Variants in CADM2 observed in about 807,000 individuals in gnomAD.
CADM2 encodes immunoglobulin superfamily member 4D.
In CADM2, 12 loss-of-function variants were observed where a neutral mutation model predicts 49.8. That is an observed-to-expected ratio of 0.24 (90% CI 0.15 to 0.39). CADM2 has a LOEUF of 0.39. CADM2 is among the 10% of genes least tolerant of loss of function. The probability of loss-of-function intolerance (pLI) is 1.00; values close to 1 mark genes in which losing one functional copy is unlikely to be tolerated. For synonymous variants in CADM2, 214 were observed against 175.4 expected, an observed-to-expected ratio of 1.22 and a Z score of -1.74; for missense variants, 378 against 492.3, an observed-to-expected ratio of 0.77 and a Z score of 2.20.
rs967844702 is a variant in CADM2 at position 85,269,706 on chromosome 3, CAA to C, written c.61+310041_61+310042del. On this transcript the variant is annotated intron_variant, in intron 1 of 9. Coordinates refer to ENST00000383699, the MANE Select transcript of CADM2 (RefSeq NM_001167675.2). ...ATGTTCTATGTGACAGAAAGACAAT[CAA>C]AAGACATATGGCATTAACAATTCTC... Among the ~76,000 whole-genome samples, 5 of 151,326 alleles carry C rather than the reference CAA, an allele frequency of 3.3e-5. No individual in the cohort carries two copies. In the Admixed American group the frequency reaches 3.3e-4, roughly 10 times the overall value.
chr3:86,023,768 C>G (rs986618208), intron 8 of CADM2, among the ~76,000 whole-genome samples: 1 of 152,146 alleles, frequency 6.6e-6, no homozygotes, highest in Non-Finnish European at 1.5e-5. Flanking sequence ...TTTCTCACTG[C>G]AGATGACACT....
At chr3:85,090,270 C>A (rs1028235991) in intron 1 of CADM2, among the ~76,000 whole-genome samples, 1 of 151,922 alleles carries the variant, frequency 6.6e-6, no homozygotes, top group Admixed American at 6.6e-5. Flanking sequence ...ATGGGAGATG[C>A]CTACATTATG....
chr3:85,114,665 C>T (rs1024407876), intron 1 of CADM2, among the ~76,000 whole-genome samples: 3 of 152,048 alleles, frequency 2.0e-5, no homozygotes, highest in African/African-American at 4.8e-5. Context: ...AGATCTGGTG[C>T]GAGATAGGTT....
At chr3:85,017,877 T>C (rs1394452185) in intron 1 of CADM2, among the ~76,000 whole-genome samples, 1 of 152,176 alleles carries the variant, frequency 6.6e-6, no homozygotes, top group African/African-American at 2.4e-5. Context: ...ATCAATGAAA[T>C]ATAGAGATAG....
At chr3:85,666,114 C>G (rs2065558324) in intron 1 of CADM2, among the ~76,000 whole-genome samples, 1 of 151,870 alleles carries the variant, frequency 6.6e-6, no homozygotes, top group African/African-American at 2.4e-5. Flanking sequence ...AACAGAGAGC[C>G]AAATCATAAG....
intron 1 of CADM2, among the ~76,000 whole-genome samples, chr3:85,106,326 ATAAAGC>A (rs2038225262): frequency 6.6e-6 from 1 of 152,116 alleles, no homozygotes; most frequent in African/African-American, 2.4e-5. Context: ...TTCCAGGGCA[ATAAAGC>A]TAATAGTAGC....
intron 1 of CADM2, among the ~76,000 whole-genome samples, chr3:85,054,471 G>T (rs1461778485): frequency 1.3e-5 from 2 of 151,846 alleles, no homozygotes; most frequent in South Asian, 2.1e-4. Context: ...AGGTGACAAG[G>T]GATAATTAAG....
chr3:85,946,867 A>G (rs1326537282), intron 7 of CADM2, among the ~76,000 whole-genome samples: 1 of 152,148 alleles, frequency 6.6e-6, no homozygotes, highest in Non-Finnish European at 1.5e-5. Flanking sequence ...AGGCAATACC[A>G]TTCAGGACAT....
intron 3 of CADM2, among the ~76,000 whole-genome samples, chr3:85,821,312 C>T (rs1294211228): frequency 6.6e-6 from 1 of 152,102 alleles, no homozygotes; most frequent in African/African-American, 2.4e-5. Flanking sequence ...AGGGGAATGG[C>T]ATTTACCTCT....
chr3:85,285,454 T>G (rs1258224542), intron 1 of CADM2, among the ~76,000 whole-genome samples: 1 of 152,152 alleles, frequency 6.6e-6, no homozygotes, highest in Non-Finnish European at 1.5e-5. Context: ...GGAAGTTATC[T>G]GGATCACATT....
rs576138046 is a variant in CADM2 at position 86,007,138 on chromosome 3, A to G, written c.970+45491A>G. On this transcript the variant is annotated intron_variant, in intron 8 of 9. Coordinates refer to ENST00000383699, the MANE Select transcript of CADM2 (RefSeq NM_001167675.2). Reference sequence around the variant, plus strand: ...CCCTCACCATTATCTCTCTACCACAATCTCCATTCTCCCGAAATTCTTATG... The same window carrying G: ...CCCTCACCATTATCTCTCTACCACAGTCTCCATTCTCCCGAAATTCTTATG... Among the ~76,000 whole-genome samples, 295 of 143,172 alleles carry G rather than the reference A, an allele frequency of 2.1e-3. 1 individual carries two copies. The highest frequency in any genetic ancestry group is 7.4e-3 in the African/African-American group (282 of 37,870). 93.9% of individuals were successfully genotyped at this position (143,172 alleles called of 152,430 possible). A position where few individuals can be genotyped will look rare whatever the true frequency, so the allele number is the denominator to read the frequency against.
chr3:85,199,677 A>G (rs1418775777), intron 1 of CADM2, among the ~76,000 whole-genome samples: 2 of 152,042 alleles, frequency 1.3e-5, no homozygotes, highest in Admixed American at 1.3e-4. Context: ...CTGAATTAAT[A>G]TAGTAATGCA....
chr3:85,247,334 A>T (rs1217480686), intron 1 of CADM2, among the ~76,000 whole-genome samples: 3 of 152,136 alleles, frequency 2.0e-5, no homozygotes, highest in Admixed American at 6.6e-5. Flanking sequence ...AGTTGCTCAA[A>T]GTATGAGAAA....
intron 3 of CADM2, among the ~76,000 whole-genome samples, chr3:85,837,577 A>G (rs1212961873): frequency 6.6e-6 from 1 of 151,626 alleles, no homozygotes. Flanking sequence ...ATGTCTCGTC[A>G]TCATTCTTTG....
intron 3 of CADM2, among the ~76,000 whole-genome samples, chr3:85,834,671 C>G (rs2074327052): frequency 6.6e-6 from 1 of 150,976 alleles, no homozygotes; most frequent in African/African-American, 2.4e-5. Context: ...ATCTACTGGA[C>G]ACATGGAGAA....
chr3:85,864,142 A>G (rs1397573506), intron 3 of CADM2, among the ~76,000 whole-genome samples: 1 of 152,174 alleles, frequency 6.6e-6, no homozygotes, highest in Non-Finnish European at 1.5e-5. Context: ...CAAGTTTTAT[A>G]AGAGTTTTAT....
chr3:85,124,660 G>T (rs2038968770), intron 1 of CADM2, among the ~76,000 whole-genome samples: 1 of 152,084 alleles, frequency 6.6e-6, no homozygotes, highest in Admixed American at 6.5e-5. Context: ...TACTGCAAGT[G>T]GAAAATGTAT....
chr3:85,767,215 C>T (rs114381516), intron 2 of CADM2, among the ~76,000 whole-genome samples: 26 of 152,066 alleles, frequency 1.7e-4, no homozygotes, highest in Non-Finnish European at 2.9e-4. Flanking sequence ...AATATATTAC[C>T]GGGTTTACCA....
chr3:85,644,327 A>G (rs905415506), intron 1 of CADM2, among the ~76,000 whole-genome samples: 3 of 152,022 alleles, frequency 2.0e-5, no homozygotes, highest in African/African-American at 7.2e-5. Context: ...ATTAGGCCCT[A>G]TGCCTTATGA....
Sources: allele counts gnomAD v4.1 joint callset (sites outside exome capture counted in the v4.1 genomes callset), GRCh38; gene constraint gnomAD v4.1.1; transcripts MANE v1.5; gene names NCBI Gene and HGNC (gene_info 2026-07-23, HGNC 2026-07-21).